Variants in PTPRM observed in about 807,000 individuals in gnomAD.
PTPRM encodes the protein protein tyrosine phosphatase receptor type M, also known as receptor-type tyrosine-protein phosphatase mu.
PTPRM carries 47 observed loss-of-function variants against 186.7 expected under a neutral mutation model. The observed-to-expected ratio is 0.25, with a 90% CI of 0.20 to 0.32. PTPRM has a LOEUF of 0.32. Ranked by LOEUF, PTPRM falls within the 10% of genes least tolerant of loss-of-function variation. The probability of loss-of-function intolerance (pLI) is 1.00; values close to 1 mark genes in which losing one functional copy is unlikely to be tolerated. For missense variants in PTPRM, 1,494 were observed against 1,865.0 expected, an observed-to-expected ratio of 0.80 and a Z score of 3.66; for synonymous variants, 668 against 674.9, an observed-to-expected ratio of 0.99 and a Z score of 0.16.
At chr18:7,653,838 T>G (rs1378201138) in intron 1 of PTPRM, among the ~76,000 whole-genome samples, 2 of 152,154 alleles carry the variant, frequency 1.3e-5, no homozygotes, top group African/African-American at 4.8e-5. Context: ...TACCCAGTAA[T>G]GGGGTTGCTG....
At chr18:8,400,510 T>C (rs868416741) in intron 32 of PTPRM, among the ~76,000 whole-genome samples, 5 of 152,178 alleles carry the variant, frequency 3.3e-5, no homozygotes, top group African/African-American at 1.2e-4. Flanking sequence ...CCAGGTAGGA[T>C]AGACGTGCCA....
intron 30 of PTPRM, among the ~76,000 whole-genome samples, chr18:8,385,670 G>T (rs1262584791): frequency 6.6e-6 from 1 of 152,224 alleles, no homozygotes; most frequent in Non-Finnish European, 1.5e-5. Flanking sequence ...TGGCTTGGGG[G>T]CCCCGGCTGG....
intron 1 of PTPRM, among the ~76,000 whole-genome samples, chr18:7,760,845 GC>G (rs1443109467): frequency 6.6e-6 from 1 of 151,968 alleles, no homozygotes; most frequent in Non-Finnish European, 1.5e-5. Flanking sequence ...CCTTCTGGTG[GC>G]AAATCTACAT....
intron 9 of PTPRM, among the ~76,000 whole-genome samples, chr18:8,083,911 GAAGT>G (rs1452657035): frequency 6.6e-6 from 1 of 152,162 alleles, no homozygotes; most frequent in East Asian, 1.9e-4. Flanking sequence ...CACAGATTCA[GAAGT>G]AAGTTTGGAG....
intron 1 of PTPRM, among the ~76,000 whole-genome samples, chr18:7,620,472 T>A (rs1202917302): frequency 6.6e-6 from 1 of 152,156 alleles, no homozygotes; most frequent in Non-Finnish European, 1.5e-5. Context: ...CTAGAGTGGG[T>A]GAAAGTGCTT....
At chr18:8,279,361 G>C (rs922603774) in intron 19 of PTPRM, among the ~76,000 whole-genome samples, 1 of 152,188 alleles carries the variant, frequency 6.6e-6, no homozygotes, top group East Asian at 1.9e-4. Context: ...GGCCTTTTCC[G>C]ACCCTTAATT....
At chr18:7,705,781 A>G (rs2040073829) in intron 1 of PTPRM, among the ~76,000 whole-genome samples, 1 of 151,278 alleles carries the variant, frequency 6.6e-6, no homozygotes, top group South Asian at 2.1e-4. Flanking sequence ...CTGGCCTCAA[A>G]CTCTTGGACT....
intron 1 of PTPRM, chr18:7,755,091 G>A (rs927111975): frequency 3.9e-5 from 6 of 152,122 alleles, no homozygotes; most frequent in Admixed American, 3.3e-4. Context: ...AAATTTACCA[G>A]GGTACACTTT....
At chr18:7,698,405 G>C (rs530691611) in intron 1 of PTPRM, among the ~76,000 whole-genome samples, 1 of 152,230 alleles carries the variant, frequency 6.6e-6, no homozygotes, top group African/African-American at 2.4e-5. Context: ...GTTTTACGTA[G>C]TTCAATTTAG....
chr18:7,904,153 G>A (rs974889648), intron 3 of PTPRM, among the ~76,000 whole-genome samples: 1 of 151,996 alleles, frequency 6.6e-6, no homozygotes, highest in Non-Finnish European at 1.5e-5. Context: ...AAATTTTTAT[G>A]GAAATCATTG....
intron 7 of PTPRM, among the ~76,000 whole-genome samples, chr18:8,013,265 C>T (rs1268683864): frequency 1.3e-5 from 2 of 151,820 alleles, no homozygotes; most frequent in Non-Finnish European, 2.9e-5. Flanking sequence ...TTTAGTTAAC[C>T]CTTGAACAGT....
chr18:7,571,032 G>A (rs2036553752), intron 1 of PTPRM, among the ~76,000 whole-genome samples: 2 of 151,206 alleles, frequency 1.3e-5, no homozygotes, highest in Admixed American at 6.6e-5. Flanking sequence ...TCCACCTCCC[G>A]GGTTCGAGCG....
intron 2 of PTPRM, among the ~76,000 whole-genome samples, chr18:7,834,491 T>TACACACACACACACACTCACACACAC (rs2045925672): frequency 1.2e-5 from 1 of 84,606 alleles, no homozygotes; most frequent in African/African-American, 4.8e-5. Flanking sequence ...TATACAAGTA[T>TACACACACACACACACTCACACACAC]ACACACACAC....
chr18:7,937,966 CAT>C (rs1188956734), intron 5 of PTPRM, among the ~76,000 whole-genome samples: 1 of 152,140 alleles, frequency 6.6e-6, no homozygotes. Flanking sequence ...GGTGTGATGA[CAT>C]ATTCTAGGTG....
chr18:7,850,098 A>T (rs553622737), intron 2 of PTPRM, among the ~76,000 whole-genome samples: 119 of 152,314 alleles, frequency 7.8e-4, no homozygotes, highest in African/African-American at 2.8e-3. Flanking sequence ...ATTTGAACTT[A>T]GGTGATCTTC....
At chr18:7,836,372 GA>G (rs1169282074) in intron 2 of PTPRM, among the ~76,000 whole-genome samples, 1 of 152,026 alleles carries the variant, frequency 6.6e-6, no homozygotes, top group Non-Finnish European at 1.5e-5. Context: ...AAAAGAAAAC[GA>G]ATAATGCTCT....
intron 19 of PTPRM, among the ~76,000 whole-genome samples, chr18:8,256,962 A>G (rs139300952): frequency 2.3e-4 from 35 of 152,304 alleles, no homozygotes; most frequent in African/African-American, 6.7e-4. Context: ...AATTTTACCA[A>G]TCATACACTG....
At chr18:7,874,832 C>G (rs2048154665) in intron 2 of PTPRM, among the ~76,000 whole-genome samples, 1 of 152,124 alleles carries the variant, frequency 6.6e-6, no homozygotes, top group Non-Finnish European at 1.5e-5. Flanking sequence ...CCTATAGCTC[C>G]CACAGAAAGG....
intron 14 of PTPRM, among the ~76,000 whole-genome samples, chr18:8,189,895 G>A (rs1234756380): frequency 6.6e-6 from 1 of 152,158 alleles, no homozygotes; most frequent in East Asian, 1.9e-4. Flanking sequence ...TTTCTCTGCA[G>A]TCACTTTTTT....
Sources: allele counts gnomAD v4.1 joint callset (sites outside exome capture counted in the v4.1 genomes callset), GRCh38; gene constraint gnomAD v4.1.1; transcripts MANE v1.5; gene names NCBI Gene and HGNC (gene_info 2026-07-23, HGNC 2026-07-21).